ABL1: variants seen among roughly 807,000 people sequenced by gnomAD.
The protein encoded by ABL1 is tyrosine-protein kinase ABL1.
Under a neutral mutation model 94.7 loss-of-function variants are expected in ABL1, and 11 were observed. The observed-to-expected ratio is 0.12, with a 90% CI of 0.07 to 0.19. The LOEUF (loss-of-function observed/expected upper bound fraction) is 0.19, where lower values mean the gene tolerates loss of function less well. Among genes scored for constraint, ABL1 ranks in the 10% least tolerant of loss-of-function variants. The probability of loss-of-function intolerance (pLI) is 1.00; values close to 1 mark genes in which losing one functional copy is unlikely to be tolerated. For synonymous variants in ABL1, 656 were observed against 622.4 expected, an observed-to-expected ratio of 1.05 and a Z score of -0.80; for missense variants, 1,082 against 1,489.4, an observed-to-expected ratio of 0.73 and a Z score of 4.50.
chr9:130,789,979 G>A (rs1194377119), intron 1 of ABL1, among the ~76,000 whole-genome samples: 1 of 152,220 alleles, frequency 6.6e-6, no homozygotes, highest in Admixed American at 6.5e-5. Context: ...TACAGGGAAT[G>A]GCAAAGAGAG....
At chr9:130,807,302 G>A (rs1323644664) in intron 1 of ABL1, among the ~76,000 whole-genome samples, 1 of 152,062 alleles carries the variant, frequency 6.6e-6, no homozygotes, top group African/African-American at 2.4e-5. Context: ...AGGCTAGAGT[G>A]CAGTGCCACA....
intron 1 of ABL1, among the ~76,000 whole-genome samples, chr9:130,750,925 G>A (rs539522543): frequency 7.3e-4 from 110 of 151,572 alleles, no homozygotes; most frequent in African/African-American, 2.5e-3. Context: ...GATTCCAGGT[G>A]TGAGCCACCA....
At chr9:130,757,022 A>C (rs1438440498) in intron 1 of ABL1, among the ~76,000 whole-genome samples, 1 of 152,158 alleles carries the variant, frequency 6.6e-6, no homozygotes, top group Admixed American at 6.5e-5. Flanking sequence ...GGGACCCAGA[A>C]CATTCCATTC....
chr9:130,862,594 C>T lies in ABL1; in HGVS notation c.550-169C>T, dbSNP rs909088346. Among the ~76,000 whole-genome samples, 23 of 152,100 alleles carry T rather than the reference C, an allele frequency of 1.5e-4. No individual in the cohort carries two copies. Among genetic ancestry groups the T allele is most frequent in the African/African-American group, 5.6e-4 (23 of 41,376 alleles). ...GCTTGAGCGAGTAACTTAGAGCACA[C>T]GTAGAGAAAGACAGCAGAAGTGATC... On this transcript the variant is annotated intron_variant, in intron 3 of 10. Coordinates refer to ENST00000318560, the MANE Select transcript of ABL1 (RefSeq NM_005157.6). This position sits in a 1 kb window ranked among gnomAD's most constrained non-coding sequence, Gnocchi z 5.5.
chr9:130,876,607 GA>G (rs1250568720), intron 7 of ABL1, among the ~76,000 whole-genome samples: 3 of 151,802 alleles, frequency 2.0e-5, no homozygotes, highest in African/African-American at 7.3e-5. Context: ...TTTTAGTAAA[GA>G]TGGGGTTTCA....
intron 1 of ABL1, among the ~76,000 whole-genome samples, chr9:130,840,443 C>G (rs770430223): frequency 2.6e-5 from 4 of 152,164 alleles, no homozygotes; most frequent in Non-Finnish European, 4.4e-5. Context: ...CACTTACCAC[C>G]TTGTAAAATC....
intron 1 of ABL1, among the ~76,000 whole-genome samples, chr9:130,736,263 A>C (rs1020036494): frequency 6.0e-5 from 9 of 151,124 alleles, no homozygotes; most frequent in Admixed American, 5.9e-4. Context: ...ATTAATATAG[A>C]GTAATAGAGA....
rs1249175554 is a variant in ABL1 at position 130,724,264 on chromosome 9, G to A, written c.136+9809G>A. 1.3e-5 allele frequency among the ~76,000 whole-genome samples: 2 copies of A among 152,080 alleles called. 1 individual carries two copies. Among genetic ancestry groups the A allele is most frequent in the African/African-American group, 4.8e-5 (2 of 41,404 alleles). ...TCATTTTCTGTTTCCCCAGCATAAT[G>A]CTGAATACATAGGCTCTCCATAAAA... On this transcript the variant is annotated intron_variant, in intron 1 of 10. Coordinates refer to the ABL1 transcript ENST00000372348.
chr9:130,874,967 C>T lies in ABL1; in HGVS notation c.1185C>T (p.Ala395=), dbSNP rs1234771762. Residue 395 remains alanine (A), a synonymous_variant, in exon 7 of 11, where the codon GCC becomes GCT. Transcript: ENST00000318560. ...TGATGACAGGGGACACCTACACAGC[C>T]CATGCTGGAGCCAAGTTCCCCATCA... ...SRLMTGDTYT[A]HAGAKFPIKW... The T allele has an allele frequency of 6.2e-6, 10 of 1,614,036 alleles. No individual in the cohort carries two copies. The highest frequency in any genetic ancestry group is 8.5e-6 in the Non-Finnish European group (10 of 1,180,052).
intron 1 of ABL1, among the ~76,000 whole-genome samples, chr9:130,747,219 A>G (rs1831898985): frequency 6.6e-6 from 1 of 152,100 alleles, no homozygotes; most frequent in Admixed American, 6.6e-5. Flanking sequence ...TACAAAAAAT[A>G]TTTTTAAAAT....
chr9:130,868,508 TTTTTTC>T (rs1415718943), intron 4 of ABL1, among the ~76,000 whole-genome samples: 5 of 148,452 alleles, frequency 3.4e-5, no homozygotes, highest in South Asian at 2.1e-4. Context: ...AAGCCATTTC[TTTTTTC>T]TTTTTCTTTT....
chr9:130,789,525 T>TAC lies in ABL1; in HGVS notation c.137-64518_137-64517dup, dbSNP rs59537102. On this transcript the variant is annotated intron_variant, in intron 1 of 10. Transcript: ENST00000372348. ...AATATGAACACACCAAAAAAGGACA[T>TAC]ACACACACACACACACACACACCCT... Among the ~76,000 whole-genome samples the TAC allele has an allele frequency of 5.7e-3, 849 of 148,932 alleles. 10 individuals carry two copies. Among genetic ancestry groups the TAC allele is most frequent in the Middle Eastern group, 0.024 (7 of 286 alleles).
chr9:130,882,398 G>T (rs3808814), intron 10 of ABL1, among the ~76,000 whole-genome samples: 1 of 152,014 alleles, frequency 6.6e-6, no homozygotes, highest in Admixed American at 6.5e-5. Context: ...CAGATGTCCC[G>T]CGTGCTGCCT....
intron 1 of ABL1, among the ~76,000 whole-genome samples, chr9:130,818,627 T>A (rs557066847): frequency 1.4e-4 from 21 of 152,342 alleles, no homozygotes; most frequent in African/African-American, 5.1e-4. Flanking sequence ...CTTTTAGGCT[T>A]ATAATTCATT....
chr9:130,769,932 A>C (rs1285355690), intron 1 of ABL1, among the ~76,000 whole-genome samples: 4 of 152,184 alleles, frequency 2.6e-5, no homozygotes, highest in African/African-American at 9.7e-5. Context: ...TATCAATGGA[A>C]TAGTACAGTC....
intron 1 of ABL1, among the ~76,000 whole-genome samples, chr9:130,741,911 G>T (rs1831825071): frequency 6.6e-6 from 1 of 152,156 alleles, no homozygotes; most frequent in African/African-American, 2.4e-5. Context: ...GAGCTGGTTG[G>T]GATTGGTGAG....
intron 7 of ABL1, among the ~76,000 whole-genome samples, chr9:130,877,938 G>T (rs553740102): frequency 2.0e-5 from 3 of 151,610 alleles, no homozygotes; most frequent in African/African-American, 2.4e-5. Flanking sequence ...TCAGCCTCCC[G>T]AGTAGCTGGG....
rs765033659 is a variant in ABL1, at chr9:130,872,109, T to C, written c.823-20T>C. On this transcript the variant is annotated intron_variant, in intron 4 of 10. Coordinates refer to ENST00000318560, the MANE Select transcript of ABL1 (RefSeq NM_005157.6). The surrounding 1 kb of genome is among the most constrained non-coding windows in gnomAD (Gnocchi z 5.0). ...AGCACTTCCTGAAATAATTTCACCT[T>C]CGTTTTTTTCCTTCTGCAGGAGGAC... The C allele has an allele frequency of 6.2e-6, 10 of 1,612,124 alleles. No homozygotes were observed. Among genetic ancestry groups the C allele is most frequent in the Admixed American group, 3.3e-5 (2 of 59,906 alleles).
chr9:130,860,820 C>T (rs978306602), intron 3 of ABL1, among the ~76,000 whole-genome samples: 9 of 152,214 alleles, frequency 5.9e-5, no homozygotes, highest in Admixed American at 5.2e-4. Flanking sequence ...GTGAAGTAAT[C>T]GGACAGCTGA....
Sources: gnomAD v4.1 joint callset for allele counts (sites outside exome capture counted in the v4.1 genomes callset) on GRCh38, gnomAD v4.1.1 for gene constraint, Gnocchi (gnomAD v3.1) non-coding constraint, MANE v1.5 for transcripts, NCBI Gene and HGNC (gene_info 2026-07-23, HGNC 2026-07-21) for gene names.